The following ZNF385D variants were observed in gnomAD, a reference collection of about 807,000 sequenced individuals.
ZNF385D encodes zinc finger protein 659.
A neutral mutation model predicts 35.8 loss-of-function variants in ZNF385D; 15 were observed. The ratio of observed to expected loss-of-function variants is 0.42; its 90% CI spans 0.28 to 0.64. The LOEUF is 0.64. Among genes scored for constraint, ZNF385D ranks in the 30% least tolerant of loss-of-function variants. The pLI is 0.23. For missense variants in ZNF385D, 474 were observed against 494.6 expected (o/e 0.96, Z 0.39); for synonymous variants, 212 against 186.8 (o/e 1.13, Z -1.10).
intron 1 of ZNF385D, among the ~76,000 whole-genome samples, chr3:21,748,167 T>C (rs183020145): frequency 2.0e-5 from 3 of 152,282 alleles, no homozygotes; most frequent in Admixed American, 6.5e-5. Flanking sequence ...AAAATCTCAA[T>C]AGGAGATAAG....
intron 3 of ZNF385D, among the ~76,000 whole-genome samples, chr3:21,839,165 A>G (rs1695508929): frequency 6.6e-6 from 1 of 152,146 alleles, no homozygotes; most frequent in African/African-American, 2.4e-5. Context: ...AGCCTTAATC[A>G]TTAAGCCCTA....
chr3:21,966,328 A>C (rs755737278), intron 3 of ZNF385D, among the ~76,000 whole-genome samples: 1 of 152,224 alleles, frequency 6.6e-6, no homozygotes, highest in Admixed American at 6.5e-5. Context: ...TTTAAAAAGC[A>C]TGTAGACATT....
Position 21,634,834 on chromosome 3 carries a change from G to A in ZNF385D, c.165+30052C>T, listed in dbSNP as rs115068688. Among the ~76,000 whole-genome samples the A allele has an allele frequency of 3.8e-3, 572 of 149,908 alleles. 2 individuals are homozygous for A. Among genetic ancestry groups the A allele is most frequent in the African/African-American group, 9.6e-3 (392 of 40,822 alleles). Reference sequence around the variant, plus strand: ...TGGCTTACTCTTTTTTTTTTTGGATGGCAATATTTTTCTTTTAAATTTTAT... The same window carrying A: ...TGGCTTACTCTTTTTTTTTTTGGATAGCAATATTTTTCTTTTAAATTTTAT... On this transcript the variant is annotated intron_variant, in intron 2 of 7. Coordinates refer to ENST00000281523, the MANE Select transcript of ZNF385D (RefSeq NM_024697.3).
chr3:22,166,502 G>C (rs912662566), intron 3 of ZNF385D, among the ~76,000 whole-genome samples: 3 of 152,146 alleles, frequency 2.0e-5, no homozygotes, highest in African/African-American at 4.8e-5. Flanking sequence ...TAATAGCTGT[G>C]TGACCTTCAG....
intron 3 of ZNF385D, among the ~76,000 whole-genome samples, chr3:22,100,877 A>C (rs958812178): frequency 9.2e-5 from 14 of 151,938 alleles, no homozygotes; most frequent in Non-Finnish European, 1.8e-4. Flanking sequence ...AAATAAAATA[A>C]AATAAATAAA....
At chr3:21,528,781 A>G (rs1187930350) in intron 3 of ZNF385D, among the ~76,000 whole-genome samples, 1 of 152,212 alleles carries the variant, frequency 6.6e-6, no homozygotes, top group Admixed American at 6.5e-5. Context: ...TTATGCTCTA[A>G]TCCTGGAGAA....
At chr3:21,970,226 T>C (rs753697946) in intron 3 of ZNF385D, among the ~76,000 whole-genome samples, 3 of 152,090 alleles carry the variant, frequency 2.0e-5, no homozygotes, top group Non-Finnish European at 2.9e-5. Context: ...ATGAACTAAA[T>C]AGGCATGAGT....
Position 22,241,769 on chromosome 3 carries a change from T to TC in ZNF385D, c.107-72735dup, listed in dbSNP as rs1699506138. On this transcript the variant is annotated intron_variant, in intron 2 of 5. Coordinates refer to the ZNF385D transcript ENST00000494108. ...AAATACCTAAAAAAAACCTTTTTTTTCTTTAGAAAATAATAGTGATGAATA... is the reference window on the plus strand; with the variant it reads ...AAATACCTAAAAAAAACCTTTTTTTTCCTTTAGAAAATAATAGTGATGAATA... Among the ~76,000 whole-genome samples, 4 of 150,994 alleles carry TC rather than the reference T, an allele frequency of 2.6e-5. 1 individual carries two copies. Among genetic ancestry groups the TC allele is most frequent in the South Asian group, 4.3e-4 (2 of 4,600 alleles).
chr3:22,371,738 A>G (rs1460201632), intron 2 of ZNF385D, among the ~76,000 whole-genome samples: 1 of 152,130 alleles, frequency 6.6e-6, no homozygotes, highest in East Asian at 1.9e-4. Flanking sequence ...TACTCAATGG[A>G]AGCGTAAAAA....
intron 2 of ZNF385D, among the ~76,000 whole-genome samples, chr3:21,604,188 T>C (rs1007073605): frequency 2.0e-5 from 3 of 152,128 alleles, no homozygotes; most frequent in African/African-American, 2.4e-5. Context: ...ATAATACCAA[T>C]AGAGGGAATA....
intron 2 of ZNF385D, among the ~76,000 whole-genome samples, chr3:22,337,816 G>C (rs1695241257): frequency 6.6e-6 from 1 of 152,202 alleles, no homozygotes. Context: ...ATACCTGTAA[G>C]GTGAGAGGAC....
chr3:21,836,387 C>T (rs1336906791), intron 3 of ZNF385D, among the ~76,000 whole-genome samples: 1 of 152,090 alleles, frequency 6.6e-6, no homozygotes, highest in East Asian at 1.9e-4. Context: ...TACCTTTACA[C>T]TTCTGCATAT....
intron 3 of ZNF385D, among the ~76,000 whole-genome samples, chr3:22,059,798 G>A (rs920035480): frequency 1.3e-5 from 2 of 152,196 alleles, no homozygotes; most frequent in East Asian, 1.9e-4. Flanking sequence ...ACTGGGCTAA[G>A]GGATGCTCTG....
At chr3:21,952,802 A>T (rs1314205132) in intron 3 of ZNF385D, among the ~76,000 whole-genome samples, 3 of 151,954 alleles carry the variant, frequency 2.0e-5, no homozygotes. Flanking sequence ...TCTTTCAAAA[A>T]AGTTCCAAAA....
At chr3:21,672,613 G>A (rs2066610541) in intron 1 of ZNF385D, among the ~76,000 whole-genome samples, 1 of 152,132 alleles carries the variant, frequency 6.6e-6, no homozygotes, top group Non-Finnish European at 1.5e-5. Flanking sequence ...CTTTTCCCAT[G>A]AAGGAAATCA....
chr3:21,772,314 T>A (rs2071110640), intron 3 of ZNF385D, among the ~76,000 whole-genome samples: 1 of 151,866 alleles, frequency 6.6e-6, no homozygotes, highest in African/African-American at 2.4e-5. Flanking sequence ...AAGACAATAT[T>A]TGCAAATCAA....
intron 3 of ZNF385D, chr3:21,957,081 T>A (rs1002040509): frequency 3.8e-5 from 6 of 158,746 alleles, no homozygotes; most frequent in African/African-American, 1.4e-4. Context: ...ATCTGATGGG[T>A]TTATCAAGAG....
chr3:21,920,348 T>C (rs1700393441), intron 3 of ZNF385D, among the ~76,000 whole-genome samples: 1 of 152,160 alleles, frequency 6.6e-6, no homozygotes, highest in African/African-American at 2.4e-5. Context: ...AAATTAAAAA[T>C]TGCTTGCTGT....
At chr3:21,965,874 G>C (rs1002606087) in intron 3 of ZNF385D, among the ~76,000 whole-genome samples, 5 of 152,144 alleles carry the variant, frequency 3.3e-5, no homozygotes, top group African/African-American at 7.2e-5. Context: ...GGAAGAAGAA[G>C]AGATAACAAT....
Sources: allele counts gnomAD v4.1 joint callset (sites outside exome capture counted in the v4.1 genomes callset), GRCh38; gene constraint gnomAD v4.1.1; transcripts MANE v1.5; gene names NCBI Gene and HGNC (gene_info 2026-07-23, HGNC 2026-07-21).